MYO16: variants seen among roughly 807,000 people sequenced by gnomAD.
The protein encoded by MYO16 is unconventional myosin-XVI.
A neutral mutation model predicts 205.3 loss-of-function variants in MYO16; 94 were observed. The observed-to-expected ratio is 0.46, with a 90% confidence interval of 0.39 to 0.54. MYO16 has a LOEUF of 0.54. Among genes scored for constraint, MYO16 ranks in the 20% least tolerant of loss-of-function variants. The pLI, the probability that MYO16 is intolerant of heterozygous loss-of-function variation, is 0.00. For missense variants in MYO16, 2,315 were observed against 2,387.5 expected (o/e 0.97, Z 0.63); for synonymous variants, 988 against 954.0 (o/e 1.04, Z -0.66).
In MYO16 at chr13:108,853,954, T is replaced by TGTGTG. The variant is rs143412032; in HGVS notation, c.1249-1489_1249-1488insGTGTG. On this transcript the variant is annotated intron_variant, in intron 10 of 34. Coordinates refer to ENST00000457511, the MANE Select transcript of MYO16 (RefSeq NM_001198950.3). ...CACTACTCAATTTGTGTTTCTATTA[T>TGTGTG]TGTGTGTGTGTGTGTGTGTGTGTGT... is the stretch of plus-strand genomic sequence containing the variant. Among the ~76,000 whole-genome samples, 6 of 138,594 alleles carry TGTGTG rather than the reference T, an allele frequency of 4.3e-5. No homozygotes were observed. In the South Asian group the frequency reaches 1.4e-3, roughly 33 times the overall value. The allele number at this position is 138,594 out of a possible 152,430, so 90.9% of individuals were successfully genotyped here. A position where few individuals can be genotyped will look rare whatever the true frequency, so the allele number is the denominator to read the frequency against.
the MYO16 span, among the ~76,000 whole-genome samples, chr13:108,565,881 T>C: frequency 3.8e-4 from 58 of 152,030 alleles, no homozygotes; most frequent in Admixed American, 6.6e-4. Flanking sequence ...TGATGGTTTT[T>C]ATCATGAAGG....
intron 21 of MYO16, among the ~76,000 whole-genome samples, chr13:109,005,661 T>C (rs1885363769): frequency 6.6e-6 from 1 of 152,098 alleles, no homozygotes; most frequent in African/African-American, 2.4e-5. Flanking sequence ...CACCCTCTCA[T>C]GCTCTAATCA....
rs1384524899 is a variant in MYO16, at chr13:109,162,591, G to A, written c.5165-2310G>A. On this transcript the variant is annotated intron_variant, in intron 32 of 34. Coordinates refer to ENST00000457511, the MANE Select transcript of MYO16 (RefSeq NM_001198950.3). This position sits in a 1 kb window ranked among gnomAD's most constrained non-coding sequence, Gnocchi z 4.6. ...TTCCACGTAGCTGTGAGTCCACCAC[G>A]TTTAATTATCTGCTTGTGTATCTGC... Among the ~76,000 whole-genome samples, 3 of 152,066 alleles carry A rather than the reference G, an allele frequency of 2.0e-5. No individual in the cohort carries two copies. Among genetic ancestry groups the A allele is most frequent in the Non-Finnish European group, 4.4e-5 (3 of 68,012 alleles).
the MYO16 span, among the ~76,000 whole-genome samples, chr13:108,495,912 C>T: frequency 6.6e-6 from 1 of 152,022 alleles, no homozygotes; most frequent in African/African-American, 2.4e-5. Flanking sequence ...TCCGGCGGAC[C>T]CTTCTCCGGC....
intron 1 of MYO16, among the ~76,000 whole-genome samples, chr13:108,643,289 A>G (rs1032755413): frequency 3.9e-5 from 6 of 152,196 alleles, no homozygotes; most frequent in African/African-American, 1.4e-4. Flanking sequence ...TTAAAATTCA[A>G]CATCATGCCC....
At chr13:108,619,788 CT>C (rs1167907282) in intron 1 of MYO16, among the ~76,000 whole-genome samples, 2 of 152,140 alleles carry the variant, frequency 1.3e-5, no homozygotes, top group Non-Finnish European at 2.9e-5. Context: ...GTGTCCTCCC[CT>C]CTCCCTCTCT....
At chr13:108,606,739 G>A (rs962998421) in intron 1 of MYO16, among the ~76,000 whole-genome samples, 14 of 152,058 alleles carry the variant, frequency 9.2e-5, no homozygotes, top group African/African-American at 3.4e-4. Context: ...ATGAGAAGAG[G>A]GCCACCATAC....
intron 1 of MYO16, among the ~76,000 whole-genome samples, chr13:108,644,658 T>C (rs1277944485): frequency 6.6e-6 from 1 of 152,166 alleles, no homozygotes; most frequent in South Asian, 2.1e-4. Flanking sequence ...TCTTTTTTTT[T>C]CTCATTTTCT....
In MYO16 at chr13:108,654,808, C is replaced by T. The variant is rs1468662281; in HGVS notation, c.29-11078C>T. Among the ~76,000 whole-genome samples the T allele has an allele frequency of 1.3e-5, 2 of 152,176 alleles. 1 individual carries two copies. Among genetic ancestry groups the T allele is most frequent in the South Asian group, 4.1e-4 (2 of 4,834 alleles). ...TTGTTGGGAACTGGAGCAAAGGTGA[C>T]TCTTGCTACGTTTTAGCAAAGAGAA... On this transcript the variant is annotated intron_variant, in intron 1 of 34. Transcript: ENST00000457511.
At chr13:108,810,828 A>G (rs1316682861) in intron 7 of MYO16, among the ~76,000 whole-genome samples, 2 of 152,210 alleles carry the variant, frequency 1.3e-5, no homozygotes, top group African/African-American at 4.8e-5. Flanking sequence ...ATGGAGAAGG[A>G]GGTAGCTCAC....
At chr13:109,198,864 T>A (rs1048451679) in intron 34 of MYO16, among the ~76,000 whole-genome samples, 5 of 152,074 alleles carry the variant, frequency 3.3e-5, no homozygotes, top group African/African-American at 1.2e-4. Context: ...ATTGCACAAG[T>A]AGCTTGCATA....
upstream of MYO16, among the ~76,000 whole-genome samples, chr13:108,591,983 G>A (rs1289574941): frequency 6.7e-6 from 1 of 150,250 alleles, no homozygotes; most frequent in East Asian, 2.0e-4. Context: ...AGAAGCATTT[G>A]GATAAAAAGA....
intron 5 of MYO16, among the ~76,000 whole-genome samples, chr13:108,792,162 A>G (rs1182516920): frequency 3.9e-5 from 6 of 152,226 alleles, no homozygotes; most frequent in Non-Finnish European, 5.9e-5. Context: ...AGGTTAAAAT[A>G]TATGCTGAGT....
At chr13:108,666,492 T>A (rs1881738352) in intron 2 of MYO16, among the ~76,000 whole-genome samples, 1 of 152,154 alleles carries the variant, frequency 6.6e-6, no homozygotes, top group African/African-American at 2.4e-5. Context: ...TTTTTCTATT[T>A]AGAAAATTTT....
At chr13:108,520,762 A>T in the MYO16 span, among the ~76,000 whole-genome samples, 1 of 152,252 alleles carries the variant, frequency 6.6e-6, no homozygotes, top group South Asian at 2.1e-4. Flanking sequence ...TAATAGAATC[A>T]AAGTGTGCAG....
intron 32 of MYO16, among the ~76,000 whole-genome samples, chr13:109,157,663 C>T (rs1416923380): frequency 6.6e-6 from 1 of 152,168 alleles, no homozygotes; most frequent in Non-Finnish European, 1.5e-5. Context: ...AGCTGAGTCA[C>T]CACAGAGAAG....
intron 4 of MYO16, among the ~76,000 whole-genome samples, chr13:108,736,999 T>C (rs1396700181): frequency 3.3e-5 from 5 of 152,270 alleles, no homozygotes; most frequent in African/African-American, 1.2e-4. Flanking sequence ...TATCCTGAGA[T>C]TTTGCTGAAG....
the MYO16 span, among the ~76,000 whole-genome samples, chr13:108,544,506 C>G: frequency 3.3e-5 from 5 of 152,140 alleles, no homozygotes; most frequent in Non-Finnish European, 7.4e-5. Flanking sequence ...TCCCTTCAAG[C>G]ATTTGTCCTT....
intron 33 of MYO16, among the ~76,000 whole-genome samples, chr13:109,176,602 G>T (rs202153239): frequency 5.5e-5 from 2 of 36,342 alleles, no homozygotes; most frequent in Non-Finnish European, 1.0e-4. Flanking sequence ...AAAAAAAAAA[G>T]ACCTCCTTTG....
Sources: gnomAD v4.1 joint callset for allele counts (sites outside exome capture counted in the v4.1 genomes callset) on GRCh38, gnomAD v4.1.1 for gene constraint, Gnocchi (gnomAD v3.1) non-coding constraint, MANE v1.5 for transcripts, NCBI Gene and HGNC (gene_info 2026-07-23, HGNC 2026-07-21) for gene names.